The following THEMIS variants were observed in gnomAD, a reference collection of about 807,000 sequenced individuals.
THEMIS encodes protein THEMIS.
Under a neutral mutation model 52.6 loss-of-function variants are expected in THEMIS, and 37 were observed. That is an observed-to-expected ratio of 0.70 (90% CI 0.54 to 0.93). THEMIS has a LOEUF of 0.93. Ranked by LOEUF, THEMIS falls within the 40% of genes least tolerant of loss-of-function variation. The pLI is 0.00. For synonymous variants in THEMIS, 292 were observed against 272.7 expected (o/e 1.07, Z -0.70); for missense variants, 808 against 763.1 (o/e 1.06, Z -0.69).
intron 1 of THEMIS, among the ~76,000 whole-genome samples, chr6:127,883,652 G>A (rs937685192): frequency 2.0e-4 from 30 of 151,906 alleles, no homozygotes; most frequent in African/African-American, 7.0e-4. Flanking sequence ...CATACTTCAA[G>A]TACTCAATAC....
At chr6:127,722,367 C>G (rs561928621) in intron 4 of THEMIS, among the ~76,000 whole-genome samples, 1 of 152,034 alleles carries the variant, frequency 6.6e-6, no homozygotes, top group South Asian at 2.1e-4. Flanking sequence ...CACATTATAC[C>G]CTGGCATCTC....
At position 127,813,246 on chromosome 6, in the gene THEMIS, A is replaced by G; in HGVS notation, c.1395T>C (p.Asp465=). 3.7e-6 allele frequency: 6 copies of G among 1,614,096 alleles called. 1 individual carries two copies. The South Asian group carries it at 6.6e-5, about 18-fold the overall frequency. ...CCAACACGTCCTCTTCAATGGAAAG[A>G]TCCCTGACAGACACCTTCACATTGA... is the stretch of plus-strand genomic sequence containing the variant. ...LPFNVKVSVR[D]LSIEEDVLAA... The change falls in exon 4 of 6, where the codon GAT becomes GAC. Residue 465 remains aspartate (D), a synonymous_variant. Transcript: ENST00000368248.
At chr6:127,721,817 A>C (rs1029700211) in intron 4 of THEMIS, among the ~76,000 whole-genome samples, 4 of 152,042 alleles carry the variant, frequency 2.6e-5, no homozygotes, top group Non-Finnish European at 5.9e-5. Context: ...TGAGTATTAA[A>C]TCACAGTTTC....
intron 1 of THEMIS, among the ~76,000 whole-genome samples, chr6:127,907,337 A>ATTGTTTTTTTTTTTTTTTTTTTT (rs1781297569): frequency 2.0e-5 from 1 of 49,448 alleles, no homozygotes; most frequent in African/African-American, 7.8e-5. Flanking sequence ...TTAGGCTCGG[A>ATTGTTTTTTTTTTTTTTTTTTTT]TTTTTTTTTT....
At chr6:127,784,783 AC>A (rs142023174) in intron 4 of THEMIS, among the ~76,000 whole-genome samples, 79 of 152,210 alleles carry the variant, frequency 5.2e-4, no homozygotes, top group Middle Eastern at 3.4e-3. Flanking sequence ...AAAGAGCTCA[AC>A]CCCTGGACTT....
chr6:127,832,775 A>ATTTTTTTTTTTTTTTT (rs1251377975), intron 2 of THEMIS, among the ~76,000 whole-genome samples: 2 of 54,034 alleles, frequency 3.7e-5, no homozygotes, highest in African/African-American at 1.9e-4. Flanking sequence ...GGATTGTCAG[A>ATTTTTTTTTTTTTTTT]TCTTTTTTTT....
At chr6:127,899,731 CA>C (rs985797599) in intron 1 of THEMIS, among the ~76,000 whole-genome samples, 3 of 151,148 alleles carry the variant, frequency 2.0e-5, no homozygotes, top group Non-Finnish European at 4.4e-5. Context: ...AACCATGAGA[CA>C]AAAAATGATT....
chr6:127,859,081 G>A (rs941463826), intron 1 of THEMIS, among the ~76,000 whole-genome samples: 2 of 152,046 alleles, frequency 1.3e-5, no homozygotes, highest in African/African-American at 4.8e-5. Context: ...TCCCTACAAA[G>A]TTAAAAACGT....
chr6:127,712,415 G>T (rs570377695), intron 5 of THEMIS, among the ~76,000 whole-genome samples: 1 of 152,018 alleles, frequency 6.6e-6, no homozygotes, highest in East Asian at 1.9e-4. Context: ...TGTGTTTCTT[G>T]CATACTACCT....
chr6:127,719,180 A>C (rs961582815), intron 5 of THEMIS, among the ~76,000 whole-genome samples: 1 of 151,886 alleles, frequency 6.6e-6, no homozygotes, highest in African/African-American at 2.4e-5. Flanking sequence ...TGGGTAGCTT[A>C]ATTGAATGCT....
intron 5 of THEMIS, 70 bp from the exon 6 acceptor site, chr6:127,710,086 T>C: frequency 9.0e-7 from 1 of 1,111,824 alleles, no homozygotes; most frequent in Non-Finnish European, 1.3e-6. Flanking sequence ...ACTGCCTGCT[T>C]TCAAATACTG....
chr6:127,755,324 C>A (rs1775784904), intron 4 of THEMIS, among the ~76,000 whole-genome samples: 1 of 152,098 alleles, frequency 6.6e-6, no homozygotes, highest in African/African-American at 2.4e-5. Flanking sequence ...TTTGGCTTCC[C>A]AGCCTAAAGA....
intron 1 of THEMIS, among the ~76,000 whole-genome samples, chr6:127,881,884 A>T (rs1562318834): frequency 6.6e-6 from 1 of 151,800 alleles, no homozygotes; most frequent in Admixed American, 6.6e-5. Flanking sequence ...CTTTATTTTT[A>T]AAAATATAAT....
rs560316385 is a variant in THEMIS at position 127,856,741 on chromosome 6, T to C, written c.92-1553A>G. Among the ~76,000 whole-genome samples, 3 of 152,108 alleles carry C rather than the reference T, an allele frequency of 2.0e-5. No homozygotes were observed. In the South Asian group the frequency reaches 6.2e-4, roughly 32 times the overall value. Reference sequence around the variant, plus strand: ...ATTCCCTTAACTACATATGTGCTCATATTTTCGTTAACTTTAATGCTTAAT... The same window carrying C: ...ATTCCCTTAACTACATATGTGCTCACATTTTCGTTAACTTTAATGCTTAAT... On this transcript the variant is annotated intron_variant, in intron 1 of 5. Transcript: ENST00000368248.
chr6:127,806,189 T>G (rs1035518248), intron 4 of THEMIS, among the ~76,000 whole-genome samples: 1 of 152,194 alleles, frequency 6.6e-6, no homozygotes, highest in Non-Finnish European at 1.5e-5. Context: ...GTGGACATTT[T>G]AGTAAATGAA....
intron 4 of THEMIS, among the ~76,000 whole-genome samples, chr6:127,755,445 T>C (rs1232618692): frequency 6.6e-6 from 1 of 152,200 alleles, no homozygotes; most frequent in Admixed American, 6.5e-5. Context: ...TACATTTTTT[T>C]TTAAATTACC....
At chr6:127,707,388 G>A (rs900207349), downstream of THEMIS, among the ~76,000 whole-genome samples, 1 of 152,082 alleles carries the variant, frequency 6.6e-6, no homozygotes, top group African/African-American at 2.4e-5. Flanking sequence ...CTCTGAATGA[G>A]GTAGGACATG....
intron 1 of THEMIS, among the ~76,000 whole-genome samples, 162 bp downstream of exon 1, chr6:127,900,680 T>C (rs1781108771): frequency 6.6e-6 from 1 of 152,050 alleles, no homozygotes; most frequent in African/African-American, 2.4e-5. Context: ...CCAACACCAT[T>C]GGCTTTTGAC....
At chr6:127,739,094 G>A (rs1775108381) in intron 4 of THEMIS, among the ~76,000 whole-genome samples, 1 of 152,136 alleles carries the variant, frequency 6.6e-6, no homozygotes, top group Middle Eastern at 3.4e-3. Context: ...AACTCCCTCA[G>A]CCTCTCTCTT....
Sources: gnomAD v4.1 joint callset for allele counts (sites outside exome capture counted in the v4.1 genomes callset) on GRCh38, gnomAD v4.1.1 for gene constraint, MANE v1.5 for transcripts, NCBI Gene and HGNC (gene_info 2026-07-23, HGNC 2026-07-21) for gene names.